SIRT6: variants seen among roughly 807,000 people sequenced by gnomAD.
SIRT6 encodes the protein sirtuin 6, also known as NAD-dependent protein deacylase sirtuin-6.
A neutral mutation model predicts 33.6 loss-of-function variants in SIRT6; 21 were observed. The observed-to-expected ratio is 0.62, with a 90% CI of 0.44 to 0.90. The LOEUF (loss-of-function observed/expected upper bound fraction) is 0.90, where lower values mean the gene tolerates loss of function less well. Ranked by LOEUF, SIRT6 falls within the 40% of genes least tolerant of loss-of-function variation. The probability of loss-of-function intolerance (pLI) is 0.00; values close to 1 mark genes in which losing one functional copy is unlikely to be tolerated. For missense variants in SIRT6, 504 were observed against 510.6 expected, an observed-to-expected ratio of 0.99 and a Z score of 0.12; for synonymous variants, 221 against 223.9, an observed-to-expected ratio of 0.99 and a Z score of 0.12.
chr19:4,175,717 G>T lies in SIRT6; in HGVS notation c.577C>A (p.Pro193Thr). 1 of 1,585,622 alleles carries T rather than the reference G, an allele frequency of 6.3e-7. No homozygotes were observed. The highest frequency in any genetic ancestry group is 2.3e-5 in the East Asian group (1 of 43,752). Residue 193 changes from proline (P) to threonine (T), a missense_variant, in exon 6 of 8, where the codon CCC becomes ACC. Transcript: ENST00000337491. ...DTILDWEDSL[P>T]DRDLALADEA... ...TCGGCGAGTGCCAGGTCCCGGTCGG[G>T]CAGGGAGTCCTCCCAGTCTAGGATG... is the stretch of plus-strand genomic sequence containing the variant.
At chr19:4,175,643 G>GCCCCA (rs1967247685) in intron 6 of SIRT6, 37 bp downstream of exon 6, 3 of 1,460,346 alleles carry the variant, frequency 2.1e-6, no homozygotes, top group Non-Finnish European at 2.7e-6. Context: ...GTCCCGCCCC[G>GCCCCA]CCCCACCATG....
intron 2 of SIRT6, chr19:4,180,483 C>G (rs927616729): frequency 4.5e-6 from 1 of 221,276 alleles, no homozygotes; most frequent in Non-Finnish European, 9.0e-6. Context: ...CAGGTTCAAG[C>G]AATTCTCCTG....
At chr19:4,175,466 G>T in intron 6 of SIRT6, 1 of 629,118 alleles carries the variant, frequency 1.6e-6, no homozygotes, top group Admixed American at 3.1e-5. Flanking sequence ...CCTGGCGGAA[G>T]CCTTGGTTTC....
Position 4,180,926 on chromosome 19 carries a change from C to T in SIRT6, c.67-17G>A. 2 of 1,600,908 alleles carry T rather than the reference C, an allele frequency of 1.2e-6. No individual in the cohort carries two copies. Among genetic ancestry groups the T allele is most frequent in the Non-Finnish European group, 1.7e-6 (2 of 1,173,846 alleles). On this transcript the variant is annotated splice_polypyrimidine_tract_variant and intron_variant, in intron 1 of 7. Coordinates refer to ENST00000337491, the MANE Select transcript of SIRT6 (RefSeq NM_016539.4). ...GTCGAAGATCTGTGGGGGGAGAGAG[C>T]AGACGGAGGGGTCAAAACAGTTCCC... is the stretch of plus-strand genomic sequence containing the variant.
chr19:4,182,273 C>G (rs1442474313), intron 1 of SIRT6: 3 of 561,400 alleles, frequency 5.3e-6, no homozygotes, highest in African/African-American at 3.9e-5. Flanking sequence ...CGATCAGCCC[C>G]GACAGGGTGA....
chr19:4,174,920 A>G lies in SIRT6; in HGVS notation c.765T>C (p.His255=), dbSNP rs757131430. 1 of 1,606,454 alleles carries G rather than the reference A, an allele frequency of 6.2e-7. No homozygotes were observed. The highest frequency in any genetic ancestry group is 1.1e-5 in the South Asian group (1 of 91,028). The change falls in exon 8 of 8, where the codon CAT becomes CAC. Residue 255 remains histidine (H), a synonymous_variant. Coordinates refer to ENST00000337491, the MANE Select transcript of SIRT6 (RefSeq NM_016539.4). The surrounding 1 kb of genome is among the most constrained non-coding windows in gnomAD (Gnocchi z 4.2). ...GGGTCATGACCTCGTCAACGTAGCCATGGATGCGGAGGTCAGCATGGCGGT... is the reference window on the plus strand; with the variant it reads ...GGGTCATGACCTCGTCAACGTAGCCGTGGATGCGGAGGTCAGCATGGCGGT... ...KHDRHADLRI[H]GYVDEVMTRL...
chr19:4,175,094 G>T lies in SIRT6; in HGVS notation c.672C>A (p.Asn224Lys). 3.8e-6 allele frequency: 6 copies of T among 1,585,336 alleles called. No individual in the cohort carries two copies. The highest frequency in any genetic ancestry group is 4.3e-6 in the Non-Finnish European group (5 of 1,167,200). Residue 224 changes from asparagine (N) to lysine (K), a missense_variant, in exon 7 of 8, where the codon AAC (asparagine) becomes AAA (lysine). By Grantham distance (94) the Asn-to-Lys change is moderately conservative (BLOSUM62 0). Coordinates refer to ENST00000337491, the MANE Select transcript of SIRT6 (RefSeq NM_016539.4). ...GTSLQIRPSG[N>K]LPLATKRRGG... is the part of the protein sequence containing the mutation. ...CCCGGCGCTTGGTAGCCAGCGGCAG[G>T]TTCCCGCTGGGCCGGATCTGCAGCG...
chr19:4,179,251 C>G lies in SIRT6; in HGVS notation c.230G>C (p.Gly77Ala). Residue 77 changes from glycine (G) to alanine (A), a missense_variant, in exon 3 of 8, where the codon GGT (glycine) becomes GCT (alanine). Gly to Ala is a moderately conservative substitution (Grantham distance 60, BLOSUM62 0). Coordinates refer to ENST00000337491, the MANE Select transcript of SIRT6 (RefSeq NM_016539.4). Reference sequence around the variant, plus strand: ...GGTGGTGTCGAACTTGGGGGCCAGACCTCGCTCCTCCATGGTCCAGACTCC... The same window carrying G: ...GGTGGTGTCGAACTTGGGGGCCAGAGCTCGCTCCTCCATGGTCCAGACTCC... ...PHGVWTMEERGLAPKFDTTFE... is the reference protein window; with the variant it reads ...PHGVWTMEERALAPKFDTTFE... 1 of 1,607,746 alleles carries G rather than the reference C, an allele frequency of 6.2e-7. No individual in the cohort carries two copies. Among genetic ancestry groups the G allele is most frequent in the African/African-American group, 1.3e-5 (1 of 74,994 alleles).
chr19:4,175,920 G>C lies in SIRT6; in HGVS notation c.455C>G (p.Thr152Arg). 1 of 1,568,692 alleles carries C rather than the reference G, an allele frequency of 6.4e-7. No individual in the cohort carries two copies. The highest frequency in any genetic ancestry group is 8.6e-7 in the Non-Finnish European group (1 of 1,157,006). Residue 152 changes from threonine to arginine, a missense_variant, in exon 5 of 8, where the codon ACA (threonine) becomes AGA (arginine). By Grantham distance (71) the Thr-to-Arg change is moderately conservative (BLOSUM62 -1). Coordinates refer to ENST00000337491, the MANE Select transcript of SIRT6 (RefSeq NM_016539.4). The stretch of plus-strand genomic sequence containing the variant: ...CTTCAGGCCCATGGTGCCCACGACT[G>C]TGTCTCGGACGTACTGCCTGTGTCA... ...AKCKTQYVRD[T>R]VVGTMGLKAT...
chr19:4,180,641 C>T, intron 2 of SIRT6, 141 bp downstream of exon 2: 1 of 1,089,674 alleles, frequency 9.2e-7, no homozygotes, highest in Non-Finnish European at 1.3e-6. Flanking sequence ...AGCCAAGGGA[C>T]ACATCTTAAA....
Position 4,179,257 on chromosome 19 carries a change from T to G in SIRT6, c.224A>C (p.Glu75Ala), listed in dbSNP as rs1340421487. 1 of 1,606,438 alleles carries G rather than the reference T, an allele frequency of 6.2e-7. No individual in the cohort carries two copies. Among genetic ancestry groups the G allele is most frequent in the Admixed American group, 1.7e-5 (1 of 58,642 alleles). The change falls in exon 3 of 8, where the codon GAG becomes GCG. Residue 75 changes from glutamate to alanine, a missense_variant. Coordinates refer to ENST00000337491, the MANE Select transcript of SIRT6 (RefSeq NM_016539.4). ...GTCGAACTTGGGGGCCAGACCTCGCTCCTCCATGGTCCAGACTCCGTGGGG... is the reference window on the plus strand; with the variant it reads ...GTCGAACTTGGGGGCCAGACCTCGCGCCTCCATGGTCCAGACTCCGTGGGG... ...RGPHGVWTMEERGLAPKFDTT... is the reference protein window; with the variant it reads ...RGPHGVWTMEARGLAPKFDTT...
chr19:4,175,006 AG>A, intron 7 of SIRT6, 21 bp downstream of exon 7: 18 of 1,603,936 alleles, frequency 1.1e-5, no homozygotes, highest in Non-Finnish European at 1.5e-5. Flanking sequence ...GGCCCTGGGC[AG>A]GGGTAGGCTC....
chr19:4,176,119 C>T (rs866014766), intron 4 of SIRT6, among the ~76,000 whole-genome samples, 182 bp from the exon 5 acceptor site: 3 of 152,172 alleles, frequency 2.0e-5, no homozygotes, highest in South Asian at 2.1e-4. Context: ...GCTCGGTGCC[C>T]GGAGCACAGA....
intron 3 of SIRT6, among the ~76,000 whole-genome samples, chr19:4,178,614 C>G (rs1967442628): frequency 6.6e-6 from 1 of 152,092 alleles, no homozygotes; most frequent in Admixed American, 6.6e-5. Flanking sequence ...CTTTGGGAGG[C>G]TGAGGCGGGC....
intron 7 of SIRT6, 25 bp downstream of exon 7, chr19:4,175,003 G>T (rs1295589164): frequency 6.2e-7 from 1 of 1,603,702 alleles, no homozygotes; most frequent in South Asian, 1.1e-5. Flanking sequence ...GGTGGCCCTG[G>T]GCAGGGGTAG....
Position 4,175,874 on chromosome 19 carries a change from G to C in SIRT6, c.501C>G (p.Thr167=), listed in dbSNP as rs201845999. Residue 167 remains threonine, a synonymous_variant, in exon 5 of 8, where the codon ACC becomes ACG. Transcript: ENST00000337491. Reference sequence around the variant, plus strand: ...CTCGCAGCCCCCTTGCCTTAGCCACGGTGCAGAGCCGGCCCGTGGCCTTCA... The same window carrying C: ...CTCGCAGCCCCCTTGCCTTAGCCACCGTGCAGAGCCGGCCCGTGGCCTTCA... ...MGLKATGRLC[T]VAKARGLRAC... The C allele has an allele frequency of 2.6e-6, 4 of 1,566,632 alleles. No individual in the cohort carries two copies. The highest frequency in any genetic ancestry group is 3.5e-6 in the Non-Finnish European group (4 of 1,156,054).
At chr19:4,176,984 C>T in intron 4 of SIRT6, 95 bp downstream of exon 4, 1 of 1,081,772 alleles carries the variant, frequency 9.2e-7, no homozygotes, top group Non-Finnish European at 1.4e-6. Flanking sequence ...GGCCACACCC[C>T]AGTCCCCCCA....
At chr19:4,177,793 T>C (rs77743678) in intron 3 of SIRT6, among the ~76,000 whole-genome samples, 4,156 of 151,986 alleles carry the variant, frequency 0.027, 175 homozygotes, top group East Asian at 0.2. Context: ...GGTTTCACCG[T>C]GTTAGCCAGG....
chr19:4,181,524 C>T (rs906351231), intron 1 of SIRT6, among the ~76,000 whole-genome samples: 1 of 152,304 alleles, frequency 6.6e-6, no homozygotes, highest in Non-Finnish European at 1.5e-5. Context: ...TGGTGGCTCA[C>T]GCCTATAATC....
Sources: gnomAD v4.1 joint callset for allele counts (sites outside exome capture counted in the v4.1 genomes callset) on GRCh38, gnomAD v4.1.1 for gene constraint, Gnocchi (gnomAD v3.1) non-coding constraint, MANE v1.5 for transcripts, NCBI Gene and HGNC (gene_info 2026-07-23, HGNC 2026-07-21) for gene names.